The following NFATC1 variants were observed in gnomAD, a reference collection of about 807,000 sequenced individuals.
NFATC1 encodes the protein nuclear factor of activated T-cells, cytoplasmic 1.
Under a neutral mutation model 76.0 loss-of-function variants are expected in NFATC1, and 22 were observed. The observed-to-expected ratio is 0.29, with a 90% CI of 0.21 to 0.41. The LOEUF is 0.41. Among genes scored for constraint, NFATC1 ranks in the 10% least tolerant of loss-of-function variants. The pLI is 1.00. For synonymous variants in NFATC1, 704 were observed against 613.1 expected (o/e 1.15, Z -2.19); for missense variants, 1,357 against 1,337.7 (o/e 1.01, Z -0.23).
intron 1 of NFATC1, among the ~76,000 whole-genome samples, chr18:79,401,969 A>C (rs940404044): frequency 6.6e-6 from 1 of 152,144 alleles, no homozygotes. Flanking sequence ...TGCCTCCTTG[A>C]AGAAGCACAG....
chr18:79,457,925 G>A lies in NFATC1; in HGVS notation c.1904-3386G>A, dbSNP rs796680539. On this transcript the variant is annotated intron_variant, in intron 6 of 9. Coordinates refer to ENST00000427363, the MANE Select transcript of NFATC1 (RefSeq NM_001278669.2). ...TCCCCTCGTTGGCACAGGTCGGGAC[G>A]TGGGGTCTTTCTGTGGCTGAGGGAA... 3.9e-5 allele frequency among the ~76,000 whole-genome samples: 6 copies of A among 152,336 alleles called. No individual in the cohort carries two copies. In the South Asian group the frequency reaches 6.2e-4, roughly 16 times the overall value.
At chr18:79,398,581 C>T (rs973600582) in intron 1 of NFATC1, among the ~76,000 whole-genome samples, 6 of 152,314 alleles carry the variant, frequency 3.9e-5, no homozygotes, top group Non-Finnish European at 8.8e-5. Context: ...GCCGCCCCAC[C>T]GACCCCTTCT....
chr18:79,399,743 G>A (rs1010437911), intron 1 of NFATC1, among the ~76,000 whole-genome samples: 3 of 152,064 alleles, frequency 2.0e-5, no homozygotes, highest in Non-Finnish European at 4.4e-5. Context: ...GGAGAGGCCG[G>A]TGGGTGCCGG....
chr18:79,478,846 A>G (rs1600865239), intron 8 of NFATC1, among the ~76,000 whole-genome samples: 1 of 152,230 alleles, frequency 6.6e-6, no homozygotes, highest in Admixed American at 6.5e-5. Context: ...GCCCCAGAAC[A>G]GCACCAGGCA....
chr18:79,478,470 G>T (rs1030021715), intron 8 of NFATC1, among the ~76,000 whole-genome samples: 1 of 152,194 alleles, frequency 6.6e-6, no homozygotes, highest in African/African-American at 2.4e-5. Context: ...GGGCTGCATA[G>T]ACCCGGCTGG....
At chr18:79,431,303 A>G (rs540954863) in intron 2 of NFATC1, among the ~76,000 whole-genome samples, 2 of 152,232 alleles carry the variant, frequency 1.3e-5, no homozygotes, top group Non-Finnish European at 2.9e-5. Context: ...ATTCCATTCA[A>G]GCTGCCTCCT....
At chr18:79,523,884 G>A (rs142862421) in intron 9 of NFATC1, 8 of 152,328 alleles carry the variant, frequency 5.3e-5, no homozygotes, top group South Asian at 2.1e-4. Context: ...GACATCTGAC[G>A]TTAGGCAAAG....
intron 9 of NFATC1, among the ~76,000 whole-genome samples, chr18:79,509,140 G>A (rs146371393): frequency 6.6e-6 from 1 of 152,350 alleles, no homozygotes; most frequent in African/African-American, 2.4e-5. Flanking sequence ...AGAGGTGTGT[G>A]GGCTCCGGGG....
chr18:79,449,646 C>T (rs1305529716), intron 4 of NFATC1, among the ~76,000 whole-genome samples: 2 of 152,160 alleles, frequency 1.3e-5, no homozygotes, highest in Admixed American at 1.3e-4. Context: ...ACGGCTGGAA[C>T]GTGCAGACCA....
intron 1 of NFATC1, among the ~76,000 whole-genome samples, chr18:79,397,393 C>A (rs940528708): frequency 6.6e-6 from 1 of 151,926 alleles, no homozygotes; most frequent in Non-Finnish European, 1.5e-5. Flanking sequence ...TCCTGCGCGA[C>A]CCTGATAACT....
chr18:79,455,607 C>T (rs2087665896), intron 6 of NFATC1, among the ~76,000 whole-genome samples: 1 of 152,140 alleles, frequency 6.6e-6, no homozygotes, highest in South Asian at 2.1e-4. Flanking sequence ...GGCCGGGTGG[C>T]CTGCACGGTG....
At position 79,406,828 on chromosome 18, in the gene NFATC1, C is replaced by T. The variant is rs558852736; in HGVS notation, c.128-3575C>T. Reference sequence around the variant, plus strand: ...TTGGACTGCGTCCCTGTGCTTCCCCCGAGACCCCCAGCCGCAGAGCCAGCC... The same window carrying T: ...TTGGACTGCGTCCCTGTGCTTCCCCTGAGACCCCCAGCCGCAGAGCCAGCC... On this transcript the variant is annotated intron_variant, in intron 1 of 9. Transcript: ENST00000427363. 9.2e-5 allele frequency among the ~76,000 whole-genome samples: 14 copies of T among 152,184 alleles called. No homozygotes were observed. In the South Asian group the frequency reaches 1.7e-3, roughly 18 times the overall value.
At chr18:79,463,772 C>T (rs1047730515) in intron 7 of NFATC1, among the ~76,000 whole-genome samples, 1 of 152,264 alleles carries the variant, frequency 6.6e-6, no homozygotes, top group African/African-American at 2.4e-5. Flanking sequence ...CCCTCCCTAG[C>T]CCTGGCTCCG....
At chr18:79,419,635 T>C (rs576729723) in intron 2 of NFATC1, among the ~76,000 whole-genome samples, 183 of 152,330 alleles carry the variant, frequency 1.2e-3, no homozygotes, top group Non-Finnish European at 2.3e-3. Flanking sequence ...GCTGGAAACC[T>C]TCCCAGGTTC....
chr18:79,482,696 A>T (rs2089329449), intron 8 of NFATC1, among the ~76,000 whole-genome samples: 1 of 127,392 alleles, frequency 7.8e-6, no homozygotes, highest in African/African-American at 3.0e-5. Context: ...TTCCAGCATG[A>T]CCTGGTTCCT....
chr18:79,422,406 G>A (rs941245841), intron 2 of NFATC1: 23 of 152,090 alleles, frequency 1.5e-4, no homozygotes, highest in African/African-American at 2.7e-4. Flanking sequence ...AGAAGAGTCC[G>A]CGTGTGCAGT....
At chr18:79,397,810 C>A (rs1354065948) in intron 1 of NFATC1, among the ~76,000 whole-genome samples, 1 of 152,280 alleles carries the variant, frequency 6.6e-6, no homozygotes, top group East Asian at 1.9e-4. Context: ...AAGGAAAAAA[C>A]ACGACGGGGC....
At position 79,467,577 on chromosome 18, in the gene NFATC1, C is replaced by T. The variant is rs771867646; in HGVS notation, c.2087C>T (p.Ala696Val). The change falls in exon 8 of 10, where the codon GCC becomes GTC. Residue 696 changes from alanine to valine, a missense_variant. By Grantham distance (64) the Ala-to-Val change is moderately conservative. Around this residue, in one of 3 missense-constraint regions of NFATC1, gnomAD observed 424 missense variants for 395.4 expected, o/e 1.07. Transcript: ENST00000427363. Reference protein sequence around the residue: ...SQYQRFTYLPANVPIIKTEPT... With the variant: ...SQYQRFTYLPVNVPIIKTEPT... Reference sequence around the variant, plus strand: ...TACCAGCGTTTCACCTACCTTCCCGCCAACGGTAACGCCATCTTTCTAACC... The same window carrying T: ...TACCAGCGTTTCACCTACCTTCCCGTCAACGGTAACGCCATCTTTCTAACC... 1.1e-5 allele frequency: 17 copies of T among 1,613,834 alleles called. No homozygotes were observed. In the Admixed American group the frequency reaches 2.2e-4, roughly 21 times the overall value.
rs377714997 is a variant in NFATC1 at position 79,409,557 on chromosome 18, A to G, written c.128-846A>G. 1.9e-4 allele frequency among the ~76,000 whole-genome samples: 29 copies of G among 152,030 alleles called. No individual in the cohort carries two copies. The East Asian group carries it at 5.2e-3, about 27-fold the overall frequency. On this transcript the variant is annotated intron_variant, in intron 1 of 9. Coordinates refer to ENST00000427363, the MANE Select transcript of NFATC1 (RefSeq NM_001278669.2). ...CCATCCATTCATCCACCCACCCATA[A>G]TCCATCTCTTTATCCCTCATTCCTC...
Sources: gnomAD v4.1 joint callset for allele counts (sites outside exome capture counted in the v4.1 genomes callset) on GRCh38, gnomAD v4.1.1 for gene constraint, gnomAD v4.1.1 regional missense constraint, MANE v1.5 for transcripts, NCBI Gene and HGNC (gene_info 2026-07-23, HGNC 2026-07-21) for gene names.